Variants in SLC9B1 observed in about 807,000 individuals in gnomAD.
SLC9B1 encodes sodium/hydrogen exchanger 9B1.
A neutral mutation model predicts 51.7 loss-of-function variants in SLC9B1; 32 were observed. The ratio of observed to expected loss-of-function variants is 0.62; its 90% CI spans 0.47 to 0.83. SLC9B1 has a LOEUF of 0.83. Among genes scored for constraint, SLC9B1 ranks in the 40% least tolerant of loss-of-function variants. The pLI is 0.00. For missense variants in SLC9B1, 406 were observed against 613.2 expected, an observed-to-expected ratio of 0.66 and a Z score of 3.57; for synonymous variants, 145 against 212.7, an observed-to-expected ratio of 0.68 and a Z score of 2.77.
chr4:102,971,193 C>T (rs1310634523), intron 3 of SLC9B1, among the ~76,000 whole-genome samples: 2 of 152,202 alleles, frequency 1.3e-5, no homozygotes, highest in Admixed American at 6.5e-5. Flanking sequence ...ACATTCTTCT[C>T]AGCACCACAT....
At chr4:102,885,555 C>T (rs1277088485) in intron 11 of SLC9B1, 1 of 755,954 alleles carries the variant, frequency 1.3e-6, no homozygotes, top group East Asian at 2.7e-5. Flanking sequence ...ATTGAAAGAC[C>T]ATATTCCTAA....
intron 7 of SLC9B1, among the ~76,000 whole-genome samples, chr4:102,926,586 C>A (rs552418666): frequency 1.1e-4 from 16 of 151,960 alleles, no homozygotes; most frequent in African/African-American, 1.2e-4. Flanking sequence ...CACTGCTCAA[C>A]GAAATAAAAG....
chr4:102,962,605 C>T (rs1738196488), intron 3 of SLC9B1: 2 of 473,810 alleles, frequency 4.2e-6, no homozygotes, highest in Non-Finnish European at 4.4e-6. Flanking sequence ...GAGATGGAGT[C>T]ACCCATGTTC....
At chr4:102,997,317 G>C (rs1740277355) in intron 1 of SLC9B1, among the ~76,000 whole-genome samples, 1 of 152,014 alleles carries the variant, frequency 6.6e-6, no homozygotes, top group South Asian at 2.1e-4. Flanking sequence ...TTTGAACACT[G>C]TATATTCCTC....
chr4:102,986,821 T>A (rs1044151267), intron 3 of SLC9B1, among the ~76,000 whole-genome samples: 1 of 152,224 alleles, frequency 6.6e-6, no homozygotes, highest in Non-Finnish European at 1.5e-5. Context: ...CATCTCTTTC[T>A]TACAATTTTC....
chr4:102,885,056 G>A, exon 12 of SLC9B1: 1 of 645,686 alleles, frequency 1.5e-6, no homozygotes, highest in East Asian at 2.9e-5. Context: ...GTCTTTGGTA[G>A]AGCTGGCTTT....
chr4:102,903,522 G>A (rs1734884289), intron 11 of SLC9B1, among the ~76,000 whole-genome samples: 1 of 152,174 alleles, frequency 6.6e-6, no homozygotes, highest in South Asian at 2.1e-4. Context: ...ATTTTCCTGA[G>A]GTTATAGGCA....
At chr4:103,016,423 T>G (rs1163667857) in intron 1 of SLC9B1, among the ~76,000 whole-genome samples, 1 of 152,120 alleles carries the variant, frequency 6.6e-6, no homozygotes, top group Admixed American at 6.6e-5. Flanking sequence ...CATCTTGAGA[T>G]GTCTATAGTA....
chr4:103,000,305 G>A (rs1287957541), intron 1 of SLC9B1, among the ~76,000 whole-genome samples: 4 of 152,092 alleles, frequency 2.6e-5, no homozygotes, highest in Non-Finnish European at 5.9e-5. Flanking sequence ...ACTCATTCCA[G>A]CATTAACTCA....
At chr4:102,947,181 C>G (rs966374569) in intron 4 of SLC9B1, among the ~76,000 whole-genome samples, 1 of 152,072 alleles carries the variant, frequency 6.6e-6, no homozygotes, top group African/African-American at 2.4e-5. Context: ...AAACTGGAGA[C>G]AGAGACCAAA....
chr4:102,885,660 A>C (rs1733870504), intron 11 of SLC9B1, among the ~76,000 whole-genome samples: 1 of 152,238 alleles, frequency 6.6e-6, no homozygotes, highest in East Asian at 1.9e-4. Flanking sequence ...AATGTTTGGC[A>C]TTTATGTAGA....
At chr4:102,984,114 A>ATTATT (rs1349870178) in intron 3 of SLC9B1, among the ~76,000 whole-genome samples, 5 of 151,468 alleles carry the variant, frequency 3.3e-5, no homozygotes, top group Non-Finnish European at 5.9e-5. Flanking sequence ...TGTATTTTTT[A>ATTATT]TTATTTTATT....
In SLC9B1 at chr4:102,945,431, G is replaced by A. The variant is rs369181727; in HGVS notation, c.526-111C>T. 5.3e-4 allele frequency: 633 copies of A among 1,187,458 alleles called. 2 individuals are homozygous for A. Among genetic ancestry groups the A allele is most frequent in the Non-Finnish European group, 6.8e-4 (599 of 886,492 alleles). The allele number at this position is 1,187,458 out of a possible 1,614,324, so 73.6% of individuals were successfully genotyped here. A position where few individuals can be genotyped will look rare whatever the true frequency, so the allele number is the denominator to read the frequency against. ...TTTTCATAAGAAGCTTTCACTAAAC[G>A]AAATCTCATTTCAACAGATTGTCCC... On this transcript the variant is annotated intron_variant, in intron 5 of 11. Transcript: ENST00000296422.
At chr4:102,942,896 T>C (rs1737072221) in intron 6 of SLC9B1, among the ~76,000 whole-genome samples, 1 of 151,998 alleles carries the variant, frequency 6.6e-6, no homozygotes, top group Non-Finnish European at 1.5e-5. Flanking sequence ...AGACAACCTA[T>C]AGAGTGGGAG....
intron 3 of SLC9B1, among the ~76,000 whole-genome samples, chr4:102,986,265 TTTC>T (rs1739617707): frequency 9.0e-6 from 1 of 111,454 alleles, no homozygotes; most frequent in African/African-American, 3.9e-5. Flanking sequence ...TTTTTTTTTT[TTTC>T]TCTCTCTCAA....
rs1213283621 is a variant in SLC9B1, at chr4:102,949,323, T to C, written c.316A>G (p.Ile106Val). The change falls in exon 4 of 12, where the codon ATT becomes GTT. Residue 106 changes from isoleucine (I) to valine (V), a missense_variant. Transcript: ENST00000296422. ...FGLFIIFYSA[I>V]IGGKILQLIR... ...AGTTGTAAAATTTTTCCCCCAATAA[T>C]GGCACTATAAAAAATAATGAACAAC... 1.2e-6 allele frequency: 2 copies of C among 1,610,020 alleles called. No homozygotes were observed. Among genetic ancestry groups the C allele is most frequent in the Admixed American group, 1.7e-5 (1 of 59,696 alleles).
intron 3 of SLC9B1, among the ~76,000 whole-genome samples, chr4:102,989,271 C>T (rs1401682660): frequency 6.6e-6 from 1 of 151,912 alleles, no homozygotes; most frequent in Non-Finnish European, 1.5e-5. Flanking sequence ...GCCAAAATCT[C>T]TTTCTCTCAT....
At chr4:102,958,997 T>C (rs1737946520) in intron 3 of SLC9B1, among the ~76,000 whole-genome samples, 2 of 150,712 alleles carry the variant, frequency 1.3e-5, no homozygotes, top group Admixed American at 1.3e-4. Flanking sequence ...GAAGCAGTAA[T>C]GTAAGAAAAG....
At chr4:102,941,370 G>A (rs375557431) in intron 6 of SLC9B1, 3 of 413,906 alleles carry the variant, frequency 7.2e-6, no homozygotes, top group South Asian at 1.7e-5. Context: ...AGACAAACAC[G>A]TAGTCAACAA....
Sources: gnomAD v4.1 joint callset for allele counts (sites outside exome capture counted in the v4.1 genomes callset) on GRCh38, gnomAD v4.1.1 for gene constraint, MANE v1.5 for transcripts, NCBI Gene and HGNC (gene_info 2026-07-23, HGNC 2026-07-21) for gene names.